Variants in DLGAP2 observed in about 807,000 individuals in gnomAD.
DLGAP2 encodes the protein DLG associated protein 2.
A neutral mutation model predicts 100.3 loss-of-function variants in DLGAP2; 26 were observed. That is an observed-to-expected ratio of 0.26 (90% CI 0.19 to 0.36). The LOEUF is 0.36. Among genes scored for constraint, DLGAP2 ranks in the 10% least tolerant of loss-of-function variants. The pLI is 1.00. For synonymous variants in DLGAP2, 886 were observed against 630.1 expected (o/e 1.41, Z -6.08); for missense variants, 1,858 against 1,453.2 (o/e 1.28, Z -4.53).
chr8:1,506,159 C>T (rs1799905364), intron 4 of DLGAP2, among the ~76,000 whole-genome samples: 1 of 152,254 alleles, frequency 6.6e-6, no homozygotes, highest in Non-Finnish European at 1.5e-5. Flanking sequence ...TTAAGTGCAC[C>T]AATGTCTCAT....
At chr8:1,459,837 C>A (rs1394154539) in intron 3 of DLGAP2, among the ~76,000 whole-genome samples, 1 of 151,958 alleles carries the variant, frequency 6.6e-6, no homozygotes, top group Non-Finnish European at 1.5e-5. Flanking sequence ...AGGTGCGCAC[C>A]ACCACGCCCG....
At chr8:960,252 T>TTTTTTTTTTTC (rs369284313) in intron 2 of DLGAP2, among the ~76,000 whole-genome samples, 27 of 142,004 alleles carry the variant, frequency 1.9e-4, no homozygotes, top group African/African-American at 6.1e-4. Context: ...TTTTTTTTTT[T>TTTTTTTTTTTC]CCCGAGACAC....
intron 1 of DLGAP2, among the ~76,000 whole-genome samples, chr8:808,823 C>A (rs886225151): frequency 2.6e-5 from 4 of 151,780 alleles, no homozygotes; most frequent in African/African-American, 9.7e-5. Context: ...TTGTGAAATA[C>A]TTGTTTAGCC....
chr8:1,482,548 A>C (rs1192100994), intron 3 of DLGAP2, among the ~76,000 whole-genome samples: 2 of 152,260 alleles, frequency 1.3e-5, no homozygotes, highest in Admixed American at 6.5e-5. Flanking sequence ...CTTGTAGTTA[A>C]CAAAAAAGGC....
chr8:1,516,088 C>T (rs1460431552), intron 4 of DLGAP2, among the ~76,000 whole-genome samples: 1 of 148,988 alleles, frequency 6.7e-6, no homozygotes, highest in Non-Finnish European at 1.5e-5. Context: ...TGAATGAGTG[C>T]ATGAATGAGT....
At position 1,701,335 on chromosome 8, in the gene DLGAP2, C is replaced by T. The variant is rs1213382407; in HGVS notation, c.3097C>T (p.Arg1033Trp). ...LMAAKRAASF[R>W]QNSASERADS... ...GGCCGCCAAGCGAGCGGCGTCCTTCCGGCAGAATTCCGCCTCCGAGCGCGC... is the reference window on the plus strand; with the variant it reads ...GGCCGCCAAGCGAGCGGCGTCCTTCTGGCAGAATTCCGCCTCCGAGCGCGC... The change falls in exon 15 of 15, where the codon CGG (arginine) becomes TGG (tryptophan). Residue 1033 changes from arginine to tryptophan, a missense_variant. Arg to Trp is a moderately radical substitution (Grantham distance 101). Coordinates refer to ENST00000637795, the MANE Select transcript of DLGAP2 (RefSeq NM_001346810.2). The T allele has an allele frequency of 6.3e-7, 1 of 1,593,116 alleles. No individual in the cohort carries two copies. Among genetic ancestry groups the T allele is most frequent in the Non-Finnish European group, 8.5e-7 (1 of 1,170,530 alleles).
At chr8:785,125 G>A (rs1821803685) in intron 1 of DLGAP2, among the ~76,000 whole-genome samples, 1 of 148,812 alleles carries the variant, frequency 6.7e-6, no homozygotes, top group South Asian at 2.1e-4. Flanking sequence ...GCTGAGGCAG[G>A]AGAATGGGGT....
intron 6 of DLGAP2, among the ~76,000 whole-genome samples, chr8:1,609,416 G>T (rs953368870): frequency 3.6e-5 from 5 of 137,112 alleles, no homozygotes; most frequent in African/African-American, 5.2e-5. Flanking sequence ...GGAACGACCG[G>T]TACCAGCTGC....
At chr8:1,695,121 A>G (rs7835892) in intron 13 of DLGAP2, among the ~76,000 whole-genome samples, 99,800 of 152,106 alleles carry the variant, frequency 0.66, 33,864 homozygotes, top group East Asian at 0.82. Context: ...TTCATCCCCC[A>G]GGAGATGTGA....
chr8:1,137,351 G>A (rs955475213), intron 2 of DLGAP2: 1 of 152,554 alleles, frequency 6.6e-6, no homozygotes, highest in Non-Finnish European at 1.5e-5. Context: ...ATGGATTTGG[G>A]GTGTGCGTAA....
intron 2 of DLGAP2, among the ~76,000 whole-genome samples, chr8:1,165,782 C>G (rs1305366877): frequency 2.0e-5 from 3 of 151,606 alleles, no homozygotes; most frequent in Admixed American, 2.0e-4. Flanking sequence ...CAGTTTGTAT[C>G]TCCTCCTGTT....
At position 1,549,175 on chromosome 8, in the gene DLGAP2, C is replaced by G; in HGVS notation, c.722C>G (p.Thr241Ser). 3.8e-6 allele frequency: 6 copies of G among 1,599,176 alleles called. No homozygotes were observed. The highest frequency in any genetic ancestry group is 5.1e-6 in the Non-Finnish European group (6 of 1,173,874). ...HLVHSVQKLFTKSHSLEGSSK... is the reference protein window; with the variant it reads ...HLVHSVQKLFSKSHSLEGSSK... ...GTACACTCCGTGCAGAAGCTCTTCA[C>G]CAAGTCGCACTCGCTGGAGGGCTCC... The change falls in exon 5 of 15, where the codon ACC (threonine) becomes AGC (serine). Residue 241 changes from threonine to serine, a missense_variant. Transcript: ENST00000637795.
intron 2 of DLGAP2, among the ~76,000 whole-genome samples, chr8:1,093,052 C>G (rs13248957): frequency 0.24 from 28,043 of 116,638 alleles, 2,606 homozygotes; most frequent in Non-Finnish European, 0.26. Context: ...GCAGCTGAGG[C>G]TGGCAGCTGA....
intron 1 of DLGAP2, among the ~76,000 whole-genome samples, chr8:747,330 C>G (rs991415184): frequency 3.9e-5 from 6 of 152,024 alleles, no homozygotes; most frequent in African/African-American, 1.4e-4. Context: ...TGAAAACCAT[C>G]GAGCCGTAGT....
chr8:1,011,338 A>C lies in DLGAP2; in HGVS notation c.73+103372A>C, dbSNP rs572229975. Among the ~76,000 whole-genome samples, 5 of 148,734 alleles carry C rather than the reference A, an allele frequency of 3.4e-5. No individual in the cohort carries two copies. The East Asian group carries it at 1.0e-3, about 31-fold the overall frequency. On this transcript the variant is annotated intron_variant, in intron 2 of 14. Transcript: ENST00000637795. The stretch of plus-strand genomic sequence containing the variant: ...AGTGGACCCTGGAATGAGGGGTCTC[A>C]GTCTGCACAGTGAGCCCTGGAATGA...
At chr8:1,034,238 G>C (rs1416223909) in intron 2 of DLGAP2, among the ~76,000 whole-genome samples, 7 of 10,454 alleles carry the variant, frequency 6.7e-4, no homozygotes, top group South Asian at 3.5e-3. Flanking sequence ...GGATTCACAC[G>C]CTCATCCCGA....
intron 3 of DLGAP2, among the ~76,000 whole-genome samples, chr8:1,430,007 C>CATATATATAT (rs60682299): frequency 1.7e-4 from 9 of 54,384 alleles, no homozygotes; most frequent in Admixed American, 3.0e-4. Context: ...CATATATATA[C>CATATATATAT]ATATATATAT....
intron 1 of DLGAP2, among the ~76,000 whole-genome samples, chr8:742,691 G>C (rs1820516980): frequency 6.6e-6 from 1 of 151,122 alleles, no homozygotes; most frequent in Non-Finnish European, 1.5e-5. Context: ...TTTTTTGGTA[G>C]AGACGGAGGT....
rs573708294 is a variant in DLGAP2 at position 1,701,478 on chromosome 8, G to A, written c.*72G>A. ...GCTTGTGCAGCGCGGCGCCGCCCTGGTGGTTTCTGTCTCCTCCTCCCGCTG... is the reference window on the plus strand; with the variant it reads ...GCTTGTGCAGCGCGGCGCCGCCCTGATGGTTTCTGTCTCCTCCTCCCGCTG... On this transcript the variant is annotated 3_prime_UTR_variant, in exon 15 of 15. Transcript: ENST00000637795. 3 of 1,451,072 alleles carry A rather than the reference G, an allele frequency of 2.1e-6. No individual in the cohort carries two copies. Among genetic ancestry groups the A allele is most frequent in the South Asian group, 1.3e-5 (1 of 78,128 alleles). The allele number at this position is 1,451,072 out of a possible 1,614,324, so 89.9% of individuals were successfully genotyped here. A position where few individuals can be genotyped will look rare whatever the true frequency, so the allele number is the denominator to read the frequency against.
Sources: allele counts gnomAD v4.1 joint callset (sites outside exome capture counted in the v4.1 genomes callset), GRCh38; gene constraint gnomAD v4.1.1; transcripts MANE v1.5; gene names NCBI Gene and HGNC (gene_info 2026-07-23, HGNC 2026-07-21).